Variants in CDH12 observed in about 807,000 individuals in gnomAD.
CDH12 encodes the protein cadherin 12, also known as cadherin-12.
CDH12 carries 41 observed loss-of-function variants against 74.1 expected under a neutral mutation model. The observed-to-expected ratio is 0.55, with a 90% CI of 0.43 to 0.72. The LOEUF is 0.72. Ranked by LOEUF, CDH12 falls within the 30% of genes least tolerant of loss-of-function variation. The probability of loss-of-function intolerance (pLI) is 0.00; values close to 1 mark genes in which losing one functional copy is unlikely to be tolerated. For missense variants in CDH12, 945 were observed against 977.2 expected (o/e 0.97, Z 0.44); for synonymous variants, 399 against 355.0 (o/e 1.12, Z -1.39).
chr5:22,113,840 T>C (rs756243814), intron 4 of CDH12, among the ~76,000 whole-genome samples: 1 of 152,192 alleles, frequency 6.6e-6, no homozygotes, highest in Non-Finnish European at 1.5e-5. Context: ...TCCCTTGCAA[T>C]TATATAGGGG....
chr5:22,428,016 G>T (rs1744012963), intron 2 of CDH12, among the ~76,000 whole-genome samples: 1 of 152,098 alleles, frequency 6.6e-6, no homozygotes, highest in South Asian at 2.1e-4. Context: ...TTCTACTATA[G>T]TGTTTACTTA....
intron 5 of CDH12, among the ~76,000 whole-genome samples, chr5:22,038,948 A>G (rs1055494398): frequency 6.6e-5 from 10 of 150,992 alleles, no homozygotes; most frequent in Non-Finnish European, 1.5e-4. Flanking sequence ...CTAGACTCTG[A>G]GATGCTGAAC....
chr5:22,706,315 A>T (rs1317804982), intron 1 of CDH12, among the ~76,000 whole-genome samples: 2 of 152,058 alleles, frequency 1.3e-5, no homozygotes, highest in Non-Finnish European at 2.9e-5. Flanking sequence ...AAGAACATGC[A>T]TGCTTATGTT....
intron 1 of CDH12, among the ~76,000 whole-genome samples, chr5:22,584,958 A>C (rs1158647175): frequency 6.6e-6 from 1 of 152,230 alleles, no homozygotes; most frequent in Non-Finnish European, 1.5e-5. Context: ...ACTACTAAAA[A>C]AAACCTTGTA....
intron 11 of CDH12, among the ~76,000 whole-genome samples, chr5:21,766,636 A>C (rs1214893036): frequency 6.6e-6 from 1 of 151,940 alleles, no homozygotes; most frequent in Non-Finnish European, 1.5e-5. Context: ...TGTGGAGGTG[A>C]TCAAGATCTG....
chr5:22,023,585 A>C (rs1380471202), intron 5 of CDH12, among the ~76,000 whole-genome samples: 4 of 151,838 alleles, frequency 2.6e-5, no homozygotes, highest in African/African-American at 9.7e-5. Context: ...CTCTCTATAT[A>C]TATATATACA....
At chr5:21,930,520 A>G (rs1322378540) in intron 6 of CDH12, among the ~76,000 whole-genome samples, 1 of 152,192 alleles carries the variant, frequency 6.6e-6, no homozygotes, top group East Asian at 1.9e-4. Flanking sequence ...AGCTTGCAAG[A>G]TACATAATAG....
At chr5:22,580,729 T>C (rs1740046316) in intron 1 of CDH12, 1 of 328,314 alleles carries the variant, frequency 3.0e-6, no homozygotes, top group African/African-American at 2.1e-5. Flanking sequence ...AAAAACCTCA[T>C]ACTGCTTTTT....
In CDH12 at chr5:22,528,391, T is replaced by A. The variant is rs145424181; in HGVS notation, c.-522-23027A>T. On this transcript the variant is annotated intron_variant, in intron 1 of 14. Transcript: ENST00000382254. ...ATCAATACTCTCCACATATTGCCAT[T>A]CCAACTTTCAGGATCACACTCCTTC... Among the ~76,000 whole-genome samples the A allele has an allele frequency of 2.5e-3, 383 of 152,222 alleles. 6 individuals carry two copies. The highest frequency in any genetic ancestry group is 8.6e-3 in the African/African-American group (359 of 41,546).
chr5:22,146,771 C>T (rs566348581), intron 4 of CDH12, among the ~76,000 whole-genome samples: 1 of 152,102 alleles, frequency 6.6e-6, no homozygotes, highest in East Asian at 1.9e-4. Flanking sequence ...TATATAAACT[C>T]GGGAAGCTTG....
At chr5:22,499,585 C>T (rs1010911006) in intron 2 of CDH12, among the ~76,000 whole-genome samples, 1 of 152,118 alleles carries the variant, frequency 6.6e-6, no homozygotes, top group African/African-American at 2.4e-5. Flanking sequence ...ATACTTAATC[C>T]CCATTCCAGA....
chr5:21,769,774 G>T (rs921927470), intron 11 of CDH12, among the ~76,000 whole-genome samples: 1 of 152,068 alleles, frequency 6.6e-6, no homozygotes, highest in African/African-American at 2.4e-5. Context: ...GTTTCGTTAG[G>T]ACTAAAGATA....
intron 3 of CDH12, among the ~76,000 whole-genome samples, chr5:22,227,786 C>T (rs6865522): frequency 0.92 from 140,472 of 152,174 alleles, 65,172 homozygotes; most frequent in Non-Finnish European, 0.97. Flanking sequence ...GCCATAATGG[C>T]GCCAGGAGGC....
chr5:22,342,445 C>T (rs1424564978), intron 3 of CDH12, among the ~76,000 whole-genome samples: 1 of 152,066 alleles, frequency 6.6e-6, no homozygotes, highest in Non-Finnish European at 1.5e-5. Context: ...CAGTATTCAG[C>T]AAAGTCTATT....
chr5:22,639,793 C>T (rs781483314), intron 1 of CDH12, among the ~76,000 whole-genome samples: 2 of 152,064 alleles, frequency 1.3e-5, no homozygotes, highest in African/African-American at 4.8e-5. Flanking sequence ...GAACATGAAA[C>T]ATTTTTAATA....
chr5:22,599,388 T>C (rs1454952815), intron 1 of CDH12, among the ~76,000 whole-genome samples: 1 of 152,224 alleles, frequency 6.6e-6, no homozygotes, highest in East Asian at 1.9e-4. Flanking sequence ...CCTAGGTGAC[T>C]TTACATTCAC....
chr5:22,434,974 C>T (rs908514522), intron 2 of CDH12, among the ~76,000 whole-genome samples: 1 of 152,060 alleles, frequency 6.6e-6, no homozygotes, highest in Admixed American at 6.6e-5. Context: ...CTTGTTCATT[C>T]CTGGGTGTAG....
At chr5:22,563,890 A>G (rs1827358) in intron 1 of CDH12, among the ~76,000 whole-genome samples, 23,287 of 152,068 alleles carry the variant, frequency 0.15, 2,387 homozygotes, top group East Asian at 0.37. Flanking sequence ...AGACCCATTC[A>G]CTAGAGTACA....
chr5:22,000,643 G>A (rs1736550625), intron 5 of CDH12, among the ~76,000 whole-genome samples: 1 of 152,040 alleles, frequency 6.6e-6, no homozygotes, highest in South Asian at 2.1e-4. Flanking sequence ...GCTACTGGCT[G>A]GAAATACTGC....
Sources: gnomAD v4.1 joint callset for allele counts (sites outside exome capture counted in the v4.1 genomes callset) on GRCh38, gnomAD v4.1.1 for gene constraint, MANE v1.5 for transcripts, NCBI Gene and HGNC (gene_info 2026-07-23, HGNC 2026-07-21) for gene names.